TRPM3: variants seen among roughly 807,000 people sequenced by gnomAD.
TRPM3 encodes transient receptor potential cation channel subfamily M member 3.
Under a neutral mutation model 181.2 loss-of-function variants are expected in TRPM3, and 77 were observed. The observed-to-expected ratio is 0.42, with a 90% confidence interval of 0.35 to 0.51. TRPM3 has a LOEUF of 0.51. TRPM3 is among the 20% of genes least tolerant of loss of function. TRPM3 has a pLI of 0.01. For missense variants in TRPM3, 1,759 were observed against 2,196.7 expected (o/e 0.80, Z 3.98); for synonymous variants, 745 against 796.4 (o/e 0.94, Z 1.09).
chr9:71,319,614 C>T (rs1034016028), intron 1 of TRPM3, among the ~76,000 whole-genome samples: 43 of 152,222 alleles, frequency 2.8e-4, no homozygotes, highest in Admixed American at 2.7e-3. Context: ...TAGACATACC[C>T]AGAAATAATG....
At chr9:71,020,049 T>C (rs911214908) in intron 1 of TRPM3, among the ~76,000 whole-genome samples, 5 of 151,982 alleles carry the variant, frequency 3.3e-5, no homozygotes, top group Non-Finnish European at 7.4e-5. Flanking sequence ...TGGTCTTTGA[T>C]CTAAATATAA....
At chr9:70,926,298 T>A (rs34206171) in intron 1 of TRPM3, among the ~76,000 whole-genome samples, 4,596 of 152,238 alleles carry the variant, frequency 0.03, 89 homozygotes, top group African/African-American at 0.042. Flanking sequence ...GCAATATTTT[T>A]AAAATATTTC....
In TRPM3 at chr9:70,536,878, A is replaced by G. The variant is rs1015904267; in HGVS notation, c.4235T>C (p.Ile1412Thr). 4 of 1,614,076 alleles carry G rather than the reference A, an allele frequency of 2.5e-6. No homozygotes were observed. The African/African-American group carries it at 5.3e-5, about 22-fold the overall frequency. The change falls in exon 26 of 26, where the codon ATA (isoleucine) becomes ACA (threonine). Residue 1412 changes from isoleucine to threonine, a missense_variant. Around this residue, in one of 8 missense-constraint regions of TRPM3, gnomAD observed 612 missense variants for 590.0 expected, o/e 1.04. Transcript: ENST00000677713. ...ATCCATAGCAGAGACATAGATGTCTATACACGATGATGGTCTTCTGGAATC... is the reference window on the plus strand; with the variant it reads ...ATCCATAGCAGAGACATAGATGTCTGTACACGATGATGGTCTTCTGGAATC... The part of the protein sequence containing the change: ...VPDSRRPSSC[I>T]DIYVSAMDEL...
At chr9:70,909,269 A>ATCTAGCTC (rs1468127839) in intron 1 of TRPM3, among the ~76,000 whole-genome samples, 1 of 152,228 alleles carries the variant, frequency 6.6e-6, no homozygotes, top group African/African-American at 2.4e-5. Flanking sequence ...AGCTGGTTCT[A>ATCTAGCTC]TCTAGCTCTT....
At chr9:70,540,834 C>T (rs951478537) in intron 25 of TRPM3, among the ~76,000 whole-genome samples, 5 of 152,194 alleles carry the variant, frequency 3.3e-5, no homozygotes, top group African/African-American at 9.7e-5. Flanking sequence ...GGCAATCCTC[C>T]ACTGTAGCCT....
chr9:70,613,637 G>T (rs1290775143), intron 18 of TRPM3, among the ~76,000 whole-genome samples: 3 of 152,182 alleles, frequency 2.0e-5, no homozygotes, highest in Admixed American at 6.5e-5. Context: ...CCCTGAGTTT[G>T]CCAGGCCACA....
intron 1 of TRPM3, among the ~76,000 whole-genome samples, chr9:71,209,219 A>G (rs774739426): frequency 6.6e-6 from 1 of 152,126 alleles, no homozygotes; most frequent in Non-Finnish European, 1.5e-5. Context: ...GTGTGTTGGC[A>G]TTTTTATAAG....
At chr9:70,694,847 T>C (rs1216798837) in intron 8 of TRPM3, among the ~76,000 whole-genome samples, 1 of 152,262 alleles carries the variant, frequency 6.6e-6, no homozygotes, top group Non-Finnish European at 1.5e-5. Context: ...TCATATGTTT[T>C]TCGGCTGGAC....
At chr9:71,348,227 T>C (rs989555516) in intron 1 of TRPM3, among the ~76,000 whole-genome samples, 2 of 152,274 alleles carry the variant, frequency 1.3e-5, no homozygotes, top group East Asian at 3.9e-4. Flanking sequence ...TATTTAGAAA[T>C]TACCCAGAAA....
At chr9:70,666,711 A>G (rs2061897490) in intron 9 of TRPM3, among the ~76,000 whole-genome samples, 1 of 152,024 alleles carries the variant, frequency 6.6e-6, no homozygotes, top group South Asian at 2.1e-4. Flanking sequence ...GTGTTCCTCT[A>G]TATTATGATA....
At chr9:70,963,503 G>T (rs969490279) in intron 1 of TRPM3, among the ~76,000 whole-genome samples, 4 of 152,114 alleles carry the variant, frequency 2.6e-5, no homozygotes, top group Non-Finnish European at 5.9e-5. Context: ...CCCAAGAGGA[G>T]ATTTTGAGGG....
chr9:71,123,307 ACAG>A (rs1265158182), upstream of TRPM3, among the ~76,000 whole-genome samples: 2 of 152,236 alleles, frequency 1.3e-5, no homozygotes, highest in African/African-American at 2.4e-5. Flanking sequence ...GTATTAGTTA[ACAG>A]CATGAATTCT....
chr9:71,168,572 ATTTTTGTTTTTTATT>A (rs2076665754), intron 1 of TRPM3, among the ~76,000 whole-genome samples: 1 of 30,266 alleles, frequency 3.3e-5, no homozygotes, highest in African/African-American at 1.7e-4. Flanking sequence ...TTATTTATTT[ATTTTTGTTTTTTATT>A]TTTTTATTTT....
Position 70,535,840 on chromosome 9 carries a change from T to A in TRPM3, c.*113A>T. On this transcript the variant is annotated 3_prime_UTR_variant, in exon 26 of 26. Transcript: ENST00000677713. ...TTAACACCTCCCAAAGCATTGCTTGTTTTGCTCAGCTAAGAATAAAGCAGG... is the reference window on the plus strand; with the variant it reads ...TTAACACCTCCCAAAGCATTGCTTGATTTGCTCAGCTAAGAATAAAGCAGG... 6.6e-7 allele frequency: 1 copy of A among 1,507,744 alleles called. No homozygotes were observed. The highest frequency in any genetic ancestry group is 1.4e-5 in the African/African-American group (1 of 71,714). 93.4% of individuals were successfully genotyped at this position (1,507,744 alleles called of 1,614,324 possible). A position where few individuals can be genotyped will look rare whatever the true frequency, so the allele number is the denominator to read the frequency against.
intron 6 of TRPM3, among the ~76,000 whole-genome samples, chr9:70,813,905 A>C (rs527909450): frequency 6.6e-6 from 1 of 152,226 alleles, no homozygotes; most frequent in South Asian, 2.1e-4. Flanking sequence ...TTACAATAGC[A>C]CTCAATCAAC....
At chr9:71,161,923 C>T (rs910039975) in intron 1 of TRPM3, among the ~76,000 whole-genome samples, 5 of 151,722 alleles carry the variant, frequency 3.3e-5, no homozygotes, top group Admixed American at 1.3e-4. Context: ...AAATAGCAGC[C>T]GGGTATGGGA....
intron 1 of TRPM3, among the ~76,000 whole-genome samples, chr9:70,949,603 C>T (rs1352419969): frequency 2.0e-5 from 3 of 151,406 alleles, no homozygotes; most frequent in East Asian, 1.9e-4. Context: ...ACAATCATAA[C>T]TCGTCATTTG....
At chr9:70,749,415 A>T (rs1817996266) in intron 8 of TRPM3, among the ~76,000 whole-genome samples, 1 of 152,220 alleles carries the variant, frequency 6.6e-6, no homozygotes, top group African/African-American at 2.4e-5. Flanking sequence ...TAATTTTACC[A>T]CTTAAATTAT....
At chr9:71,212,276 C>T (rs2079555180) in intron 1 of TRPM3, among the ~76,000 whole-genome samples, 1 of 152,054 alleles carries the variant, frequency 6.6e-6, no homozygotes, top group South Asian at 2.1e-4. Flanking sequence ...ACCACCCAGC[C>T]CACATAATTT....
Sources: gnomAD v4.1 joint callset for allele counts (sites outside exome capture counted in the v4.1 genomes callset) on GRCh38, gnomAD v4.1.1 for gene constraint, gnomAD v4.1.1 regional missense constraint, MANE v1.5 for transcripts, NCBI Gene and HGNC (gene_info 2026-07-23, HGNC 2026-07-21) for gene names.